The following VWC2L variants were observed in gnomAD, a reference collection of about 807,000 sequenced individuals.
VWC2L encodes von Willebrand factor C domain-containing protein 2-like.
A neutral mutation model predicts 21.6 loss-of-function variants in VWC2L; 10 were observed. The observed-to-expected ratio is 0.46, with a 90% CI of 0.29 to 0.78. The LOEUF (loss-of-function observed/expected upper bound fraction) is 0.78. Among genes scored for constraint, VWC2L ranks in the 30% least tolerant of loss-of-function variants. The probability of loss-of-function intolerance (pLI) is 0.10; values close to 1 mark genes in which losing one functional copy is unlikely to be tolerated. For missense variants in VWC2L, 209 were observed against 277.1 expected (o/e 0.75, Z 1.74); for synonymous variants, 96 against 94.3 (o/e 1.02, Z -0.10).
At chr2:214,510,387 C>T (rs902931826) in intron 3 of VWC2L, among the ~76,000 whole-genome samples, 1 of 152,120 alleles carries the variant, frequency 6.6e-6, no homozygotes. Flanking sequence ...TTTGGAGCCG[C>T]TTTCTGTTAG....
intron 2 of VWC2L, among the ~76,000 whole-genome samples, chr2:214,423,777 A>G (rs1026741953): frequency 6.6e-6 from 1 of 152,170 alleles, no homozygotes; most frequent in African/African-American, 2.4e-5. Flanking sequence ...CCAAAATAAA[A>G]TTAAAATATA....
chr2:214,563,753 G>C (rs1010713544), intron 3 of VWC2L, among the ~76,000 whole-genome samples: 1 of 151,942 alleles, frequency 6.6e-6, no homozygotes, highest in Non-Finnish European at 1.5e-5. Flanking sequence ...GGCAAAAGCT[G>C]GAAGCACTCC....
intron 3 of VWC2L, among the ~76,000 whole-genome samples, chr2:214,456,204 A>G (rs979069916): frequency 8.6e-6 from 1 of 115,720 alleles, no homozygotes; most frequent in African/African-American, 2.7e-5. Flanking sequence ...AGCATCTGTT[A>G]TTTTTTTGTC....
At chr2:214,474,776 G>C (rs1688479887) in intron 3 of VWC2L, among the ~76,000 whole-genome samples, 1 of 152,096 alleles carries the variant, frequency 6.6e-6, no homozygotes, top group African/African-American at 2.4e-5. Context: ...AAGATTAAAT[G>C]AGATAGCATA....
chr2:214,477,932 C>A (rs1344783068), intron 3 of VWC2L, among the ~76,000 whole-genome samples: 1 of 152,146 alleles, frequency 6.6e-6, no homozygotes, highest in African/African-American at 2.4e-5. Context: ...TGAAAAAAAA[C>A]TTTCTTTTTG....
At chr2:214,562,292 C>T (rs1019010955) in intron 3 of VWC2L, among the ~76,000 whole-genome samples, 2 of 152,170 alleles carry the variant, frequency 1.3e-5, no homozygotes, top group Non-Finnish European at 2.9e-5. Flanking sequence ...TGGCTTCCAG[C>T]TCTATCCATC....
chr2:214,426,846 T>C (rs1411073195), intron 2 of VWC2L, among the ~76,000 whole-genome samples: 1 of 152,254 alleles, frequency 6.6e-6, no homozygotes, highest in Non-Finnish European at 1.5e-5. Context: ...GTCTATTTCA[T>C]GTTTAGTCAC....
chr2:214,444,992 G>GA (rs1702817218), intron 3 of VWC2L, among the ~76,000 whole-genome samples: 2 of 151,562 alleles, frequency 1.3e-5, no homozygotes, highest in South Asian at 2.1e-4. Context: ...GTTTCTAAAA[G>GA]AAAAAATGTA....
chr2:214,527,748 A>C (rs1304626455), intron 3 of VWC2L, among the ~76,000 whole-genome samples: 2 of 152,090 alleles, frequency 1.3e-5, no homozygotes, highest in Non-Finnish European at 2.9e-5. Flanking sequence ...TGTCTAAATA[A>C]ACCAATTTTA....
intron 3 of VWC2L, among the ~76,000 whole-genome samples, chr2:214,482,833 A>G (rs1688626456): frequency 6.6e-6 from 1 of 151,912 alleles, no homozygotes; most frequent in South Asian, 2.1e-4. Flanking sequence ...TGATGTTTGA[A>G]TTTTTCCCCC....
chr2:214,532,927 G>GA (rs1308812785), intron 3 of VWC2L, among the ~76,000 whole-genome samples: 1 of 150,982 alleles, frequency 6.6e-6, no homozygotes, highest in Non-Finnish European at 1.5e-5. Flanking sequence ...GACCTAGAGA[G>GA]AGGGGACCCT....
chr2:214,530,828 G>T (rs1185185841), intron 3 of VWC2L, among the ~76,000 whole-genome samples: 2 of 152,118 alleles, frequency 1.3e-5, no homozygotes, highest in African/African-American at 4.8e-5. Flanking sequence ...ACAACATTAA[G>T]CTGGTAGCCA....
chr2:214,429,962 T>C (rs1702575905), intron 2 of VWC2L, among the ~76,000 whole-genome samples: 1 of 152,132 alleles, frequency 6.6e-6, no homozygotes. Flanking sequence ...TAGCTGGGAC[T>C]ACAGGCACCT....
At chr2:214,460,031 G>A (rs934732007) in intron 3 of VWC2L, among the ~76,000 whole-genome samples, 29 of 148,008 alleles carry the variant, frequency 2.0e-4, no homozygotes, top group Admixed American at 9.6e-4. Flanking sequence ...CCTCAGCCTC[G>A]CGAGTAGTTG....
At chr2:214,538,953 A>T (rs997163028) in intron 3 of VWC2L, among the ~76,000 whole-genome samples, 3 of 151,998 alleles carry the variant, frequency 2.0e-5, no homozygotes, top group African/African-American at 7.2e-5. Flanking sequence ...TTGGGGAAAA[A>T]CCCTCATAAT....
chr2:214,444,227 G>T (rs1271686159), intron 3 of VWC2L, among the ~76,000 whole-genome samples: 5 of 151,914 alleles, frequency 3.3e-5, no homozygotes, highest in Non-Finnish European at 5.9e-5. Context: ...AAACTGGATA[G>T]TTATCAGAAA....
At chr2:214,484,481 A>G (rs1475104539) in intron 3 of VWC2L, among the ~76,000 whole-genome samples, 1 of 152,102 alleles carries the variant, frequency 6.6e-6, no homozygotes. Context: ...TCATGTATTC[A>G]GTTTCAGCTC....
chr2:214,568,207 A>G (rs772588494), intron 3 of VWC2L, among the ~76,000 whole-genome samples: 4 of 152,192 alleles, frequency 2.6e-5, no homozygotes, highest in Non-Finnish European at 5.9e-5. Flanking sequence ...TTCTATAAAC[A>G]TTAGTTTCCC....
chr2:214,527,159 T>C (rs1574617960), intron 3 of VWC2L, among the ~76,000 whole-genome samples: 1 of 151,880 alleles, frequency 6.6e-6, no homozygotes. Flanking sequence ...GAAAACCAAA[T>C]ACTACATGTC....
Sources: allele counts gnomAD v4.1 joint callset (sites outside exome capture counted in the v4.1 genomes callset), GRCh38; gene constraint gnomAD v4.1.1; transcripts MANE v1.5; gene names NCBI Gene and HGNC (gene_info 2026-07-23, HGNC 2026-07-21).